The following ABCA8 variants were observed in gnomAD, a reference collection of about 807,000 sequenced individuals.
ABCA8 encodes ATP binding cassette subfamily A member 8, also known as ABC-type organic anion transporter ABCA8.
Under a neutral mutation model 192.3 loss-of-function variants are expected in ABCA8, and 177 were observed. The ratio of observed to expected loss-of-function variants is 0.92; its 90% CI spans 0.81 to 1.04. ABCA8 has a LOEUF of 1.04. ABCA8 is among the 50% of genes least tolerant of loss of function. ABCA8 has a pLI of 0.00. For synonymous variants in ABCA8, 642 were observed against 690.2 expected, an observed-to-expected ratio of 0.93 and a Z score of 1.09; for missense variants, 1,915 against 1,904.8, an observed-to-expected ratio of 1.01 and a Z score of -0.10.
chr17:68,918,930 C>CA (rs34377045), intron 14 of ABCA8, among the ~76,000 whole-genome samples: 3,727 of 44,782 alleles, frequency 0.083, 198 homozygotes, highest in South Asian at 0.12. Flanking sequence ...AACTCTGTCT[C>CA]AAAAAAAAAA....
chr17:68,925,472 T>C (rs1251746515), intron 10 of ABCA8, among the ~76,000 whole-genome samples: 1 of 152,236 alleles, frequency 6.6e-6, no homozygotes, highest in African/African-American at 2.4e-5. Context: ...ATATTACTCA[T>C]AAACATCTTG....
In ABCA8 at chr17:68,877,569, G is replaced by T; in HGVS notation, c.4149C>A (p.Tyr1383Ter). The change falls in exon 33 of 40, where the codon TAC (tyrosine) becomes TAA (stop). Residue 1383 changes from tyrosine (Y) to a stop codon, truncating the protein, a stop_gained. Transcript: ENST00000586539. LOFTEE classifies it high-confidence loss of function. Reference sequence around the variant, plus strand: ...CTTTCCTCAGCCCTTTCACGGCGGCGTACACCTCCAGGTGCTGCCTCACTG... The same window carrying T: ...CTTTCCTCAGCCCTTTCACGGCGGCTTACACCTCCAGGTGCTGCCTCACTG... ...NLTVRQHLEV[Y>*]AAVKGLRKGD... 6.2e-7 allele frequency: 1 copy of T among 1,613,966 alleles called. No individual in the cohort carries two copies. Among genetic ancestry groups the T allele is most frequent in the Non-Finnish European group, 8.5e-7 (1 of 1,179,938 alleles).
At chr17:68,869,933 A>G (rs2066004375) in intron 37 of ABCA8, among the ~76,000 whole-genome samples, 154 bp from the exon 38 acceptor site, 1 of 152,152 alleles carries the variant, frequency 6.6e-6, no homozygotes, top group African/African-American at 2.4e-5. Context: ...GAAGTGAACA[A>G]TCCAGTACTG....
chr17:68,902,570 G>A, intron 21 of ABCA8, 143 bp downstream of exon 21: 1 of 620,736 alleles, frequency 1.6e-6, no homozygotes, highest in Non-Finnish European at 2.5e-6. Context: ...TTGGGGGCCT[G>A]TATTTATTAT....
At chr17:68,884,236 C>T in intron 28 of ABCA8, 95 bp downstream of exon 28, 1 of 1,149,850 alleles carries the variant, frequency 8.7e-7, no homozygotes, top group Middle Eastern at 3.0e-4. Context: ...ACCTGTATCT[C>T]TAACTTAATA....
At chr17:68,890,915 C>T (rs1248738350) in intron 24 of ABCA8, among the ~76,000 whole-genome samples, 2 of 152,180 alleles carry the variant, frequency 1.3e-5, no homozygotes, top group South Asian at 2.1e-4. Flanking sequence ...GCTTCTTCTT[C>T]CCCATCTGAA....
In ABCA8 at chr17:68,919,513, T is replaced by C. The variant is rs781735463; in HGVS notation, c.1613-37A>G. On this transcript the variant is annotated intron_variant, in intron 13 of 39. Coordinates refer to ENST00000586539, the MANE Select transcript of ABCA8 (RefSeq NM_001288985.2). ...GAAAAGTTAATATCAAGATAAGGCT[T>C]AAGATATTTCTTAATAAAATCGCTG... 3.9e-6 allele frequency: 6 copies of C among 1,534,626 alleles called. No homozygotes were observed. The African/African-American group carries it at 6.9e-5, about 18-fold the overall frequency.
In ABCA8 at chr17:68,927,885, G is replaced by T. The variant is rs779285137; in HGVS notation, c.1273+31C>A. ...TTTTCAGAAATAAAACTATTTAAAT[G>T]ATATATGATTTTAATCATATCATTA... On this transcript the variant is annotated intron_variant, in intron 10 of 39. Transcript: ENST00000586539. The T allele has an allele frequency of 4.8e-6, 7 of 1,448,468 alleles. No individual in the cohort carries two copies. The South Asian group carries it at 9.2e-5, about 19-fold the overall frequency. 89.7% of individuals were successfully genotyped at this position (1,448,468 alleles called of 1,614,324 possible).
chr17:68,904,888 C>T (rs1184626230), intron 19 of ABCA8, among the ~76,000 whole-genome samples: 1 of 152,056 alleles, frequency 6.6e-6, no homozygotes, highest in African/African-American at 2.4e-5. Flanking sequence ...GAGATGTATA[C>T]TAACAAATAA....
Position 68,882,358 on chromosome 17 carries a change from T to C in ABCA8, c.3828+241A>G, listed in dbSNP as rs116707807. Among the ~76,000 whole-genome samples, 297 of 152,372 alleles carry C rather than the reference T, an allele frequency of 1.9e-3. 1 individual carries two copies. Among genetic ancestry groups the C allele is most frequent in the African/African-American group, 6.9e-3 (285 of 41,592 alleles). On this transcript the variant is annotated intron_variant, in intron 30 of 39. Coordinates refer to ENST00000586539, the MANE Select transcript of ABCA8 (RefSeq NM_001288985.2). ...ACTTTCTCCAACAAGCAATGATGTC[T>C]GCTGCTTAGCTCAGATTCTGAAATT...
chr17:68,884,576 T>C (rs1300052158), intron 27 of ABCA8, 180 bp from the exon 28 acceptor site: 6 of 1,303,150 alleles, frequency 4.6e-6, no homozygotes, highest in Non-Finnish European at 5.9e-6. Flanking sequence ...TATGAGCTTT[T>C]GTTTGAAGCA....
chr17:68,945,888 T>A (rs2068389853), intron 2 of ABCA8, among the ~76,000 whole-genome samples: 1 of 152,102 alleles, frequency 6.6e-6, no homozygotes, highest in African/African-American at 2.4e-5. Flanking sequence ...AATCTCTTTG[T>A]ATACTTCTCA....
intron 33 of ABCA8, 110 bp downstream of exon 33, chr17:68,877,409 C>T: frequency 1.0e-6 from 1 of 998,286 alleles, no homozygotes; most frequent in Non-Finnish European, 1.4e-6. Context: ...CCCAGTGTGA[C>T]CTGGGTCAGC....
chr17:68,904,680 C>T lies in ABCA8; in HGVS notation c.2399-1181G>A, dbSNP rs191384193. ...TCACAAAACGAGTTTACAGCATCTA[C>T]GAACTTTTTTTCGTGGAGCCTTTCC... On this transcript the variant is annotated intron_variant, in intron 19 of 39. Coordinates refer to ENST00000586539, the MANE Select transcript of ABCA8 (RefSeq NM_001288985.2). Among the ~76,000 whole-genome samples, 128 of 152,252 alleles carry T rather than the reference C, an allele frequency of 8.4e-4. 1 individual carries two copies. The highest frequency in any genetic ancestry group is 2.3e-3 in the African/African-American group (94 of 41,558).
intron 31 of ABCA8, 115 bp from the exon 32 acceptor site, chr17:68,881,326 C>T: frequency 1.4e-6 from 1 of 732,326 alleles, no homozygotes; most frequent in African/African-American, 1.8e-5. Flanking sequence ...ATTTAATTGT[C>T]ACAACCACCC....
rs76067052 is a variant in ABCA8, at chr17:68,907,857, C to T, written c.2161G>A (p.Val721Ile). 1,528 of 1,572,470 alleles carry T rather than the reference C, an allele frequency of 9.7e-4. 18 individuals carry two copies. In the East Asian group the frequency reaches 0.024, roughly 25 times the overall value. Residue 721 changes from valine to isoleucine, a missense_variant, in exon 18 of 40, where the codon GTT (valine) becomes ATT (isoleucine). Coordinates refer to ENST00000586539, the MANE Select transcript of ABCA8 (RefSeq NM_001288985.2). ...HLSLQLNEICVEENITSLVKQ... is the reference protein window; with the variant it reads ...HLSLQLNEICIEENITSLVKQ... The stretch of plus-strand genomic sequence containing the variant: ...ACAAGTGATGTTATGTTTTCCTCAA[C>T]ACATATTTCATTTAACTGCAAGCTG...
At chr17:68,920,110 T>C (rs529801972) in intron 13 of ABCA8, 6 of 152,232 alleles carry the variant, frequency 3.9e-5, no homozygotes, top group South Asian at 4.1e-4. Context: ...GGAACATGGG[T>C]GGAGCTAGAG....
rs1307117734 is a variant in ABCA8 at position 68,903,480 on chromosome 17, T to G, written c.2418A>C (p.Glu806Asp). 1 of 1,614,148 alleles carries G rather than the reference T, an allele frequency of 6.2e-7. No homozygotes were observed. The highest frequency in any genetic ancestry group is 8.5e-7 in the Non-Finnish European group (1 of 1,180,026). ...TGTCGTCAGCTTTTTCCGCTTGTAC[T>G]TCTCCCAAAATAGCAATGTCTGCAA... Reference protein sequence around the residue: ...INESDIAILGEVQAEKADDTE... With the variant: ...INESDIAILGDVQAEKADDTE... The change falls in exon 20 of 40, where the codon GAA (glutamate) becomes GAC (aspartate). Residue 806 changes from glutamate to aspartate, a missense_variant. Glu to Asp is a conservative substitution (Grantham distance 45). Transcript: ENST00000586539.
At chr17:68,916,511 C>A (rs891128500) in intron 17 of ABCA8, among the ~76,000 whole-genome samples, 1 of 152,068 alleles carries the variant, frequency 6.6e-6, no homozygotes, top group East Asian at 1.9e-4. Context: ...TATACACCTA[C>A]TATATACCCT....
Sources: gnomAD v4.1 joint callset for allele counts (sites outside exome capture counted in the v4.1 genomes callset) on GRCh38, gnomAD v4.1.1 for gene constraint, MANE v1.5 for transcripts, NCBI Gene and HGNC (gene_info 2026-07-23, HGNC 2026-07-21) for gene names.